AGPAT5: variants seen among roughly 807,000 people sequenced by gnomAD.
The protein encoded by AGPAT5 is 1-acylglycerol-3-phosphate O-acyltransferase 5.
In AGPAT5, 46 loss-of-function variants were observed where a neutral mutation model predicts 45.6. That is an observed-to-expected ratio of 1.01 (90% confidence interval 0.80 to 1.29). The LOEUF is 1.29. Ranked by LOEUF, AGPAT5 falls within the 50% of genes most tolerant of loss-of-function variation. AGPAT5 has a pLI of 0.00. For missense variants in AGPAT5, 673 were observed against 450.7 expected (o/e 1.49, Z -4.47); for synonymous variants, 272 against 167.0 (o/e 1.63, Z -4.85).
chr8:6,735,471 G>A (rs1241486464), intron 4 of AGPAT5, among the ~76,000 whole-genome samples: 1 of 152,190 alleles, frequency 6.6e-6, no homozygotes, highest in Non-Finnish European at 1.5e-5. Flanking sequence ...TGTTCCACTG[G>A]CTCATACTTG....
chr8:6,722,760 T>G (rs28742927), intron 1 of AGPAT5, among the ~76,000 whole-genome samples: 4,176 of 152,298 alleles, frequency 0.027, 183 homozygotes, highest in African/African-American at 0.095. Flanking sequence ...TAGTTTGTCC[T>G]TTGTGATGAA....
intron 2 of AGPAT5, 33 bp from the exon 3 acceptor site, chr8:6,730,678 C>A: frequency 6.9e-7 from 1 of 1,457,170 alleles, no homozygotes; most frequent in South Asian, 1.2e-5. Flanking sequence ...TGAAGAGCCT[C>A]ATGTACGCGC....
rs184538094 is a variant in AGPAT5, at chr8:6,726,189, C to T, written c.289+1250C>T. Among the ~76,000 whole-genome samples the T allele has an allele frequency of 2.8e-4, 42 of 152,328 alleles. No homozygotes were observed. In the East Asian group the frequency reaches 7.9e-3, roughly 29 times the overall value. The stretch of plus-strand genomic sequence containing the variant: ...TGCTGAGAACTCTGGCCTGTGCAGA[C>T]ATATTGGCTGTTTTACTTCTAATAC... On this transcript the variant is annotated intron_variant, in intron 2 of 7. Coordinates refer to ENST00000285518, the MANE Select transcript of AGPAT5 (RefSeq NM_018361.5).
intron 1 of AGPAT5, among the ~76,000 whole-genome samples, chr8:6,718,340 G>T (rs1307996486): frequency 1.3e-5 from 2 of 152,200 alleles, no homozygotes; most frequent in African/African-American, 4.8e-5. Flanking sequence ...TTTGATGCTT[G>T]CTTTCTTCAG....
intron 1 of AGPAT5, among the ~76,000 whole-genome samples, chr8:6,712,599 T>C (rs956678767): frequency 2.0e-5 from 3 of 152,070 alleles, no homozygotes; most frequent in Admixed American, 1.3e-4. Flanking sequence ...GGAAAACTTA[T>C]GGGAAATTAA....
chr8:6,712,986 A>C (rs1417236627), intron 1 of AGPAT5, among the ~76,000 whole-genome samples: 2 of 152,182 alleles, frequency 1.3e-5, no homozygotes, highest in Non-Finnish European at 2.9e-5. Flanking sequence ...ATCAACACGT[A>C]ATAGATTGGG....
intron 6 of AGPAT5, among the ~76,000 whole-genome samples, chr8:6,754,447 C>T (rs1395126561): frequency 6.6e-6 from 1 of 152,140 alleles, no homozygotes; most frequent in Non-Finnish European, 1.5e-5. Flanking sequence ...GCAATTGCTC[C>T]CCCAAGTTTG....
At chr8:6,715,700 A>G (rs1205819275) in intron 1 of AGPAT5, among the ~76,000 whole-genome samples, 3 of 152,186 alleles carry the variant, frequency 2.0e-5, no homozygotes, top group African/African-American at 2.4e-5. Context: ...GTATTCATCT[A>G]GGAAAGACAT....
chr8:6,722,082 G>A (rs1330103547), intron 1 of AGPAT5, among the ~76,000 whole-genome samples: 1 of 152,110 alleles, frequency 6.6e-6, no homozygotes, highest in African/African-American at 2.4e-5. Flanking sequence ...CAGCTCCCAG[G>A]GGTGGTAAAT....
At chr8:6,715,796 A>AG (rs1800309416) in intron 1 of AGPAT5, among the ~76,000 whole-genome samples, 1 of 152,232 alleles carries the variant, frequency 6.6e-6, no homozygotes, top group Admixed American at 6.5e-5. Flanking sequence ...AACTCTTTAA[A>AG]GTAACTCTTT....
At chr8:6,732,424 A>C (rs1412697627) in intron 3 of AGPAT5, 137 bp from the exon 4 acceptor site, 3 of 550,598 alleles carry the variant, frequency 5.4e-6, no homozygotes, top group Admixed American at 4.0e-5. Flanking sequence ...CTAATGTTTG[A>C]AGATATTAAA....
chr8:6,728,145 C>T (rs1334468151), intron 2 of AGPAT5, among the ~76,000 whole-genome samples: 1 of 152,186 alleles, frequency 6.6e-6, no homozygotes, highest in Non-Finnish European at 1.5e-5. Flanking sequence ...CTTGCTGCCC[C>T]TCACTGCCTT....
intron 1 of AGPAT5, among the ~76,000 whole-genome samples, chr8:6,712,964 G>A (rs1800200924): frequency 6.6e-6 from 1 of 151,982 alleles, no homozygotes; most frequent in Non-Finnish European, 1.5e-5. Context: ...AAATTTGTAG[G>A]CCAAAAAATT....
Position 6,747,784 on chromosome 8 carries a change from G to A in AGPAT5, c.701G>A (p.Gly234Glu). Reference protein sequence around the residue: ...AIYDVTVVYEGKDDGGQRRES... With the variant: ...AIYDVTVVYEEKDDGGQRRES... Reference sequence around the variant, plus strand: ...TATGATGTTACGGTGGTTTATGAAGGGAAAGACGATGGAGGGCAGCGAAGA... The same window carrying A: ...TATGATGTTACGGTGGTTTATGAAGAGAAAGACGATGGAGGGCAGCGAAGA... Residue 234 changes from glycine (G) to glutamate (E), a missense_variant, in exon 6 of 8, where the codon GGG becomes GAG. By Grantham distance (98) the Gly-to-Glu change is moderately conservative. Transcript: ENST00000285518. The A allele has an allele frequency of 6.2e-7, 1 of 1,614,122 alleles. No individual in the cohort carries two copies. The highest frequency in any genetic ancestry group is 1.1e-5 in the South Asian group (1 of 91,078).
chr8:6,755,188 G>T lies in AGPAT5; in HGVS notation c.869+14G>T. ...AATCAAAGATAAGTGAGTAACAACAGTTCCAGCACTTCCGGAACTTCGGTT... is the reference window on the plus strand; with the variant it reads ...AATCAAAGATAAGTGAGTAACAACATTTCCAGCACTTCCGGAACTTCGGTT... On this transcript the variant is annotated intron_variant, in intron 7 of 7. Coordinates refer to ENST00000285518, the MANE Select transcript of AGPAT5 (RefSeq NM_018361.5). 1 of 1,588,572 alleles carries T rather than the reference G, an allele frequency of 6.3e-7. No homozygotes were observed. The highest frequency in any genetic ancestry group is 2.3e-5 in the East Asian group (1 of 44,104).
intron 2 of AGPAT5, among the ~76,000 whole-genome samples, chr8:6,728,086 C>T (rs1800747709): frequency 6.6e-6 from 1 of 152,170 alleles, no homozygotes; most frequent in African/African-American, 2.4e-5. Context: ...ACAGGGCCCT[C>T]ATGAATTAGG....
At position 6,712,854 on chromosome 8, in the gene AGPAT5, A is replaced by G. The variant is rs116578152; in HGVS notation, c.219+3967A>G. On this transcript the variant is annotated intron_variant, in intron 1 of 7. Transcript: ENST00000285518. ...TGTTCTGTGAAGCTGATAAATGTTAATAGGATGTCTTCAAATGTCAGAATT... is the reference window on the plus strand; with the variant it reads ...TGTTCTGTGAAGCTGATAAATGTTAGTAGGATGTCTTCAAATGTCAGAATT... 2.5e-3 allele frequency among the ~76,000 whole-genome samples: 381 copies of G among 152,354 alleles called. 2 individuals are homozygous for G. The highest frequency in any genetic ancestry group is 9.0e-3 in the African/African-American group (373 of 41,590).
At position 6,753,185 on chromosome 8, in the gene AGPAT5, C is replaced by A. The variant is rs552897438; in HGVS notation, c.746-1866C>A. ...TTTCGGAGTGCTTTTGTCTCAGCAG[C>A]ACTGCCTCTTCTTCCAAAGCTGACG... On this transcript the variant is annotated intron_variant, in intron 6 of 7. Coordinates refer to ENST00000285518, the MANE Select transcript of AGPAT5 (RefSeq NM_018361.5). 5.3e-5 allele frequency among the ~76,000 whole-genome samples: 8 copies of A among 152,304 alleles called. No homozygotes were observed. In the East Asian group the frequency reaches 1.5e-3, roughly 29 times the overall value.
intron 6 of AGPAT5, among the ~76,000 whole-genome samples, chr8:6,752,962 G>A (rs1033359376): frequency 1.3e-5 from 2 of 152,268 alleles, no homozygotes; most frequent in African/African-American, 4.8e-5. Flanking sequence ...GGACTTGGCT[G>A]TTATAGCCCC....
Sources: gnomAD v4.1 joint callset for allele counts (sites outside exome capture counted in the v4.1 genomes callset) on GRCh38, gnomAD v4.1.1 for gene constraint, MANE v1.5 for transcripts, NCBI Gene and HGNC (gene_info 2026-07-23, HGNC 2026-07-21) for gene names.